The following SQLE variants were observed in gnomAD, a reference collection of about 807,000 sequenced individuals.
SQLE encodes the protein squalene monooxygenase.
Under a neutral mutation model 60.7 loss-of-function variants are expected in SQLE, and 29 were observed. That is an observed-to-expected ratio of 0.48 (90% confidence interval 0.36 to 0.65). The LOEUF is 0.65. SQLE is among the 30% of genes least tolerant of loss of function. SQLE has a pLI of 0.00. For missense variants in SQLE, 605 were observed against 684.1 expected (o/e 0.88, Z 1.29); for synonymous variants, 237 against 246.8 (o/e 0.96, Z 0.37).
Position 124,999,115 on chromosome 8 carries a change from CTG to C in SQLE, c.-288_-287del. 1 of 356,060 alleles carries C rather than the reference CTG, an allele frequency of 2.8e-6. No individual in the cohort carries two copies. The highest frequency in any genetic ancestry group is 7.2e-4 in the Middle Eastern group (1 of 1,384). 22.1% of individuals were successfully genotyped at this position (356,060 alleles called of 1,614,324 possible). A position where few individuals can be genotyped will look rare whatever the true frequency, so the allele number is the denominator to read the frequency against. On this transcript the variant is annotated 5_prime_UTR_variant, in exon 1 of 11. Coordinates refer to ENST00000265896, the MANE Select transcript of SQLE (RefSeq NM_003129.4). ...ATCAAAAAAGAAAAAAAGGGAATATCTGGATTTCCTGGGCGAGGAGGAGCGAG... is the reference window on the plus strand; with the variant it reads ...ATCAAAAAAGAAAAAAAGGGAATATCGATTTCCTGGGCGAGGAGGAGCGAG...
intron 3 of SQLE, among the ~76,000 whole-genome samples, chr8:125,006,990 A>G (rs1814962566): frequency 1.3e-5 from 2 of 152,202 alleles, no homozygotes; most frequent in African/African-American, 2.4e-5. Context: ...GGTGTGAGCC[A>G]CCGTGCCCTG....
chr8:124,999,796 G>A, intron 1 of SQLE, 102 bp downstream of exon 1: 1 of 1,345,808 alleles, frequency 7.4e-7, no homozygotes, highest in Non-Finnish European at 9.9e-7. Context: ...CGGCAGGTTA[G>A]ATGCTTGTAT....
intron 10 of SQLE, 157 bp downstream of exon 10, chr8:125,021,028 A>C: frequency 1.7e-6 from 1 of 598,188 alleles, no homozygotes; most frequent in South Asian, 2.1e-5. Flanking sequence ...GAAGAAACGC[A>C]ATATTTAGTA....
At chr8:125,017,302 C>T (rs1815124781) in intron 7 of SQLE, among the ~76,000 whole-genome samples, 1 of 151,950 alleles carries the variant, frequency 6.6e-6, no homozygotes, top group Non-Finnish European at 1.5e-5. Context: ...CTCTATTCTA[C>T]TGCAGCTGAG....
Position 125,007,521 on chromosome 8 carries a change from G to C in SQLE, c.822+34G>C, listed in dbSNP as rs887419874. 6.9e-6 allele frequency: 10 copies of C among 1,440,374 alleles called. No individual in the cohort carries two copies. The African/African-American group carries it at 1.1e-4, about 17-fold the overall frequency. 89.2% of individuals were successfully genotyped at this position (1,440,374 alleles called of 1,614,324 possible). On this transcript the variant is annotated intron_variant, in intron 4 of 10. Transcript: ENST00000265896. ...TACCAAATGTCACCTCTTCCTAAGA[G>C]ATGTTGTTTTTCCTGCTTTTTCACT...
Position 125,018,137 on chromosome 8 carries a change from T to C in SQLE, c.1283T>C (p.Ile428Thr), listed in dbSNP as rs751118895. ...GGAATGACTGTTGCTTTTAAAGATATAAAACTATGGAGAAAACTGCTAAAG... is the reference window on the plus strand; with the variant it reads ...GGAATGACTGTTGCTTTTAAAGATACAAAACTATGGAGAAAACTGCTAAAG... Reference protein sequence around the residue: ...GGGMTVAFKDIKLWRKLLKGI... With the variant: ...GGGMTVAFKDTKLWRKLLKGI... Residue 428 changes from isoleucine to threonine, a missense_variant, in exon 8 of 11, where the codon ATA (isoleucine) becomes ACA (threonine). Coordinates refer to ENST00000265896, the MANE Select transcript of SQLE (RefSeq NM_003129.4). 6 of 1,613,900 alleles carry C rather than the reference T, an allele frequency of 3.7e-6. No individual in the cohort carries two copies. Among genetic ancestry groups the C allele is most frequent in the South Asian group, 2.2e-5 (2 of 91,078 alleles).
chr8:125,004,994 G>A (rs1814924872), intron 2 of SQLE, among the ~76,000 whole-genome samples: 1 of 152,034 alleles, frequency 6.6e-6, no homozygotes, highest in South Asian at 2.1e-4. Context: ...CACTTTTAAT[G>A]GATAGTATGT....
chr8:125,000,560 C>T (rs1475344038), intron 1 of SQLE, among the ~76,000 whole-genome samples: 4 of 152,158 alleles, frequency 2.6e-5, no homozygotes, highest in African/African-American at 9.7e-5. Context: ...TCTCGTGCCT[C>T]ACTCAGCTTC....
chr8:125,015,410 C>T (rs1035732072), intron 7 of SQLE, among the ~76,000 whole-genome samples: 7 of 152,096 alleles, frequency 4.6e-5, no homozygotes, highest in Non-Finnish European at 1.0e-4. Flanking sequence ...TTGGTAAGTG[C>T]GTACTATTGC....
chr8:125,017,340 C>T (rs902886637), intron 7 of SQLE, among the ~76,000 whole-genome samples: 27 of 151,708 alleles, frequency 1.8e-4, no homozygotes, highest in African/African-American at 6.1e-4. Flanking sequence ...AGACATATTC[C>T]TTCCCACTCT....
Position 124,999,705 on chromosome 8 carries a change from T to A in SQLE, c.291+11T>A, listed in dbSNP as rs374368825. On this transcript the variant is annotated intron_variant, in intron 1 of 10. Transcript: ENST00000265896. Reference sequence around the variant, plus strand: ...CTCGAGGCCAGGAGGGTAGGTTGATTTCAAAGCGGGCAGATGAATGTCTTA... The same window carrying A: ...CTCGAGGCCAGGAGGGTAGGTTGATATCAAAGCGGGCAGATGAATGTCTTA... The A allele has an allele frequency of 1.3e-6, 2 of 1,561,588 alleles. No individual in the cohort carries two copies. Among genetic ancestry groups the A allele is most frequent in the East Asian group, 4.5e-5 (2 of 44,292 alleles).
At chr8:125,012,984 A>G (rs1052121579) in intron 7 of SQLE, among the ~76,000 whole-genome samples, 18 of 152,148 alleles carry the variant, frequency 1.2e-4, no homozygotes, top group African/African-American at 4.1e-4. Context: ...CATTGTGCTG[A>G]TTTGCATTTC....
intron 1 of SQLE, among the ~76,000 whole-genome samples, chr8:125,000,326 T>G (rs1325689728): frequency 1.3e-5 from 2 of 152,246 alleles, no homozygotes; most frequent in East Asian, 3.8e-4. Context: ...GGGAAGAGTT[T>G]AGGCCAGATC....
In SQLE at chr8:125,005,658, C is replaced by T. The variant is rs368351981; in HGVS notation, c.678C>T (p.His226=). 2.2e-5 allele frequency: 35 copies of T among 1,605,062 alleles called. No homozygotes were observed. The highest frequency in any genetic ancestry group is 3.3e-5 in the South Asian group (3 of 89,762). The part of the protein sequence containing the change: ...NQVQSGRAFH[H]GRFIMSLRKA... ...TGCAGAGTGGAAGAGCTTTCCATCA[C>T]GGAAGATTCATCATGAGTCTCCGGA... The change falls in exon 3 of 11, where the codon CAC becomes CAT. Residue 226 remains histidine, a synonymous_variant. Transcript: ENST00000265896.
intron 7 of SQLE, among the ~76,000 whole-genome samples, chr8:125,014,446 C>G (rs965617002): frequency 4.0e-5 from 6 of 151,690 alleles, no homozygotes; most frequent in Non-Finnish European, 5.9e-5. Flanking sequence ...TTATTTTCTA[C>G]TAATTTGGGG....
chr8:125,011,127 T>C (rs1337545224), intron 6 of SQLE: 1 of 153,474 alleles, frequency 6.5e-6, no homozygotes, highest in Non-Finnish European at 1.4e-5. Context: ...ACCCTCCTGC[T>C]GTTTGTGAAT....
chr8:125,003,966 C>T (rs1193292851), intron 2 of SQLE, among the ~76,000 whole-genome samples: 2 of 152,060 alleles, frequency 1.3e-5, no homozygotes, highest in African/African-American at 4.8e-5. Context: ...TCCAAGGGCA[C>T]TAATCCTATC....
intron 1 of SQLE, among the ~76,000 whole-genome samples, chr8:125,001,979 T>G (rs1358151844): frequency 6.6e-6 from 1 of 152,166 alleles, no homozygotes; most frequent in African/African-American, 2.4e-5. Context: ...CACTGTGCAC[T>G]GTTGTTCTTA....
intron 7 of SQLE, 58 bp downstream of exon 7, chr8:125,011,690 G>T (rs901749235): frequency 7.2e-7 from 1 of 1,384,622 alleles, no homozygotes; most frequent in Admixed American, 2.0e-5. Context: ...ACAAATATAT[G>T]ATTAAATTTA....
Sources: gnomAD v4.1 joint callset for allele counts (sites outside exome capture counted in the v4.1 genomes callset) on GRCh38, gnomAD v4.1.1 for gene constraint, MANE v1.5 for transcripts, NCBI Gene and HGNC (gene_info 2026-07-23, HGNC 2026-07-21) for gene names.